Variants in LRP1B observed in about 807,000 individuals in gnomAD.
LRP1B encodes the protein low-density lipoprotein receptor-related protein 1B.
Under a neutral mutation model 556.6 loss-of-function variants are expected in LRP1B, and 217 were observed. The observed-to-expected ratio is 0.39, with a 90% CI of 0.35 to 0.44. LRP1B has a LOEUF of 0.44. LRP1B is among the 20% of genes least tolerant of loss of function. The pLI is 1.00. For missense variants in LRP1B, 5,053 were observed against 5,620.8 expected (o/e 0.90, Z 3.23); for synonymous variants, 2,047 against 1,865.8 (o/e 1.10, Z -2.50).
intron 7 of LRP1B, among the ~76,000 whole-genome samples, chr2:141,170,635 G>T (rs1574150101): frequency 6.6e-6 from 1 of 152,028 alleles, no homozygotes; most frequent in African/African-American, 2.4e-5. Flanking sequence ...AATGCATGGG[G>T]AGACTTCTTT....
chr2:140,452,957 GTGTGT>G (rs1278952884), intron 62 of LRP1B, among the ~76,000 whole-genome samples: 124 of 62,074 alleles, frequency 2.0e-3, no homozygotes, highest in Non-Finnish European at 3.7e-3. Flanking sequence ...GTGTGTGTGT[GTGTGT>G]TTTTTTTTTT....
chr2:141,651,453 C>T (rs538720559), intron 2 of LRP1B, among the ~76,000 whole-genome samples: 204 of 152,224 alleles, frequency 1.3e-3, no homozygotes, highest in African/African-American at 4.7e-3. Flanking sequence ...CACTTGAGGT[C>T]GGTAGTCCAA....
At chr2:140,512,094 C>T (rs1324968455) in intron 51 of LRP1B, among the ~76,000 whole-genome samples, 1 of 151,930 alleles carries the variant, frequency 6.6e-6, no homozygotes, top group Non-Finnish European at 1.5e-5. Context: ...TTAATTTGTT[C>T]TCAAGGCAGT....
chr2:140,907,648 C>T (rs1177649534), intron 22 of LRP1B, among the ~76,000 whole-genome samples: 1 of 152,070 alleles, frequency 6.6e-6, no homozygotes, highest in Non-Finnish European at 1.5e-5. Context: ...AATTAAGTAA[C>T]TTCGATATAG....
intron 2 of LRP1B, among the ~76,000 whole-genome samples, chr2:141,776,829 A>T (rs1695094451): frequency 6.6e-6 from 1 of 152,254 alleles, no homozygotes; most frequent in Admixed American, 6.5e-5. Flanking sequence ...CTAATCAATG[A>T]TAACTAATAA....
chr2:140,986,046 T>C (rs1294795186), intron 17 of LRP1B, among the ~76,000 whole-genome samples: 2 of 151,690 alleles, frequency 1.3e-5, no homozygotes, highest in Non-Finnish European at 2.9e-5. Flanking sequence ...TCATAAACAC[T>C]ATATAAAATT....
rs148853195 is a variant in LRP1B at position 141,154,162 on chromosome 2, G to C, written c.1013+34259C>G. 3.3e-3 allele frequency among the ~76,000 whole-genome samples: 497 copies of C among 151,956 alleles called. 7 individuals carry two copies. The highest frequency in any genetic ancestry group is 0.011 in the African/African-American group (471 of 41,544). ...GATTACAAGCTAATACGACTGAAAA[G>C]ACTATAGTTTAAAGAATGAAGTTGA... On this transcript the variant is annotated intron_variant, in intron 7 of 90. Coordinates refer to ENST00000389484, the MANE Select transcript of LRP1B (RefSeq NM_018557.3).
At chr2:141,722,299 A>G (rs1692848396) in intron 2 of LRP1B, among the ~76,000 whole-genome samples, 1 of 152,042 alleles carries the variant, frequency 6.6e-6, no homozygotes, top group African/African-American at 2.4e-5. Context: ...AATCGCTTGA[A>G]CCTGGGAGGT....
chr2:142,119,791 A>G (rs1396342546), intron 1 of LRP1B, among the ~76,000 whole-genome samples: 1 of 152,054 alleles, frequency 6.6e-6, no homozygotes, highest in Non-Finnish European at 1.5e-5. Context: ...AACAAGGACT[A>G]AATAGACCCC....
intron 43 of LRP1B, among the ~76,000 whole-genome samples, chr2:140,579,292 T>G (rs181453298): frequency 2.0e-5 from 3 of 152,240 alleles, no homozygotes; most frequent in East Asian, 3.9e-4. Context: ...CATATTATCA[T>G]GTCATAAAAA....
chr2:141,006,508 G>A (rs932934585), intron 14 of LRP1B, among the ~76,000 whole-genome samples: 6 of 151,920 alleles, frequency 3.9e-5, no homozygotes, highest in Non-Finnish European at 5.9e-5. Flanking sequence ...TTACACTTGC[G>A]CATCACTTAA....
At chr2:141,198,683 G>A (rs765273785) in intron 6 of LRP1B, among the ~76,000 whole-genome samples, 12 of 151,978 alleles carry the variant, frequency 7.9e-5, no homozygotes, top group Non-Finnish European at 1.6e-4. Flanking sequence ...TTCTAGCACA[G>A]GCCACAAGCC....
chr2:140,324,016 C>T lies in LRP1B; in HGVS notation c.12391G>A (p.Ala4131Thr), dbSNP rs1394853822. 2.5e-6 allele frequency: 4 copies of T among 1,610,204 alleles called. No individual in the cohort carries two copies. In the African/African-American group the frequency reaches 5.4e-5, roughly 22 times the overall value. Reference protein sequence around the residue: ...IDIFEDYIYGAGPKNGVFRVQ... With the variant: ...IDIFEDYIYGTGPKNGVFRVQ... ...CGAAATACACCATTTTTAGGTCCTG[C>T]TCCATATATATAATCTTCAAAGATA... is the stretch of plus-strand genomic sequence containing the variant. The change falls in exon 81 of 91, where the codon GCA (alanine) becomes ACA (threonine). Residue 4131 changes from alanine (A) to threonine (T), a missense_variant. Coordinates refer to ENST00000389484, the MANE Select transcript of LRP1B (RefSeq NM_018557.3).
chr2:140,711,781 C>G (rs1283198534), intron 37 of LRP1B, among the ~76,000 whole-genome samples: 2 of 152,112 alleles, frequency 1.3e-5, no homozygotes, highest in African/African-American at 2.4e-5. Flanking sequence ...CTGTGACTTT[C>G]TTCAATTTCA....
chr2:141,142,356 G>A (rs894210083), intron 7 of LRP1B, among the ~76,000 whole-genome samples: 1 of 152,108 alleles, frequency 6.6e-6, no homozygotes, highest in African/African-American at 2.4e-5. Flanking sequence ...TAGTTCTTGA[G>A]CCCCTATAGC....
intron 2 of LRP1B, among the ~76,000 whole-genome samples, chr2:141,777,105 C>T (rs1476414340): frequency 6.6e-6 from 1 of 152,206 alleles, no homozygotes; most frequent in Non-Finnish European, 1.5e-5. Flanking sequence ...TGAAAGCTGA[C>T]AAAAAGACTT....
intron 1 of LRP1B, among the ~76,000 whole-genome samples, chr2:141,967,483 G>C (rs1451097162): frequency 6.6e-6 from 1 of 151,758 alleles, no homozygotes; most frequent in South Asian, 2.1e-4. Flanking sequence ...AAATCTCACC[G>C]TATTTCTTAT....
chr2:141,836,739 A>T (rs183291677), intron 1 of LRP1B, among the ~76,000 whole-genome samples: 57 of 152,152 alleles, frequency 3.7e-4, no homozygotes, highest in Non-Finnish European at 7.1e-4. Context: ...ATATCTCAAG[A>T]TCAAAATACA....
intron 59 of LRP1B, among the ~76,000 whole-genome samples, chr2:140,479,666 C>T (rs577724078): frequency 1.4e-4 from 22 of 152,228 alleles, no homozygotes; most frequent in African/African-American, 5.3e-4. Flanking sequence ...CTGCAATTAT[C>T]TCTGACTTTG....
Sources: allele counts gnomAD v4.1 joint callset (sites outside exome capture counted in the v4.1 genomes callset), GRCh38; gene constraint gnomAD v4.1.1; transcripts MANE v1.5; gene names NCBI Gene and HGNC (gene_info 2026-07-23, HGNC 2026-07-21).